The following FSTL4 variants were observed in gnomAD, a reference collection of about 807,000 sequenced individuals.
FSTL4 encodes the protein follistatin-related protein 4.
In FSTL4, 28 loss-of-function variants were observed where a neutral mutation model predicts 78.2. The ratio of observed to expected loss-of-function variants is 0.36; its 90% CI spans 0.27 to 0.49. The LOEUF is 0.49. FSTL4 is among the 20% of genes least tolerant of loss of function. The pLI, the probability that FSTL4 is intolerant of heterozygous loss-of-function variation, is 0.98. For missense variants in FSTL4, 922 were observed against 1,084.9 expected (o/e 0.85, Z 2.11); for synonymous variants, 422 against 440.5 (o/e 0.96, Z 0.53).
At chr5:133,712,507 A>G in the FSTL4 span, among the ~76,000 whole-genome samples, 1 of 152,318 alleles carries the variant, frequency 6.6e-6, no homozygotes, top group Non-Finnish European at 1.5e-5. Flanking sequence ...TTGGCAAGCT[A>G]TTGAAGTGCT....
At chr5:133,740,295 G>C in the FSTL4 span, among the ~76,000 whole-genome samples, 2 of 152,108 alleles carry the variant, frequency 1.3e-5, no homozygotes, top group Non-Finnish European at 2.9e-5. Flanking sequence ...AGTGGGGCAG[G>C]CATTCTCTCC....
chr5:133,720,828 G>A, the FSTL4 span: 1 of 152,882 alleles, frequency 6.5e-6, no homozygotes, highest in Non-Finnish European at 1.5e-5. Context: ...TAATCTGAAT[G>A]CTGCTTTAAT....
At chr5:133,802,644 A>AG in the FSTL4 span, among the ~76,000 whole-genome samples, 150,791 of 152,342 alleles carry the variant, frequency 0.99, 74,649 homozygotes, top group Middle Eastern at 1. Context: ...CTCTGCACAG[A>AG]GCACCATCAT....
At chr5:133,386,239 ATC>A (rs1755698464) in intron 4 of FSTL4, among the ~76,000 whole-genome samples, 1 of 152,154 alleles carries the variant, frequency 6.6e-6, no homozygotes, top group African/African-American at 2.4e-5. Flanking sequence ...TTCTCATCCA[ATC>A]TCTGGTTTTT....
the FSTL4 span, among the ~76,000 whole-genome samples, chr5:133,748,020 C>A: frequency 6.6e-6 from 1 of 152,008 alleles, no homozygotes; most frequent in Non-Finnish European, 1.5e-5. Context: ...CATGGTGAAA[C>A]CCTGTCTCTA....
intron 14 of FSTL4, among the ~76,000 whole-genome samples, chr5:133,206,174 G>GGACTT (rs906153675): frequency 2.9e-5 from 4 of 137,688 alleles, no homozygotes; most frequent in African/African-American, 5.2e-5. Context: ...TATATTTTGA[G>GGACTT]GACTTGACAA....
chr5:133,430,284 T>C (rs1320277124), intron 3 of FSTL4, among the ~76,000 whole-genome samples: 1 of 152,216 alleles, frequency 6.6e-6, no homozygotes, highest in Non-Finnish European at 1.5e-5. Flanking sequence ...CCCTGAAGCC[T>C]AGTCTTGCTC....
At chr5:133,447,182 TCAC>T (rs1757286604) in intron 3 of FSTL4, among the ~76,000 whole-genome samples, 2 of 152,146 alleles carry the variant, frequency 1.3e-5, no homozygotes, top group South Asian at 4.1e-4. Flanking sequence ...TGGTGAGGTG[TCAC>T]CACCAGCCTG....
At chr5:133,273,417 T>C (rs532144631) in intron 6 of FSTL4, among the ~76,000 whole-genome samples, 1 of 152,328 alleles carries the variant, frequency 6.6e-6, no homozygotes, top group African/African-American at 2.4e-5. Context: ...ATAGCCATGT[T>C]GGAGACTTAG....
intron 2 of FSTL4, among the ~76,000 whole-genome samples, chr5:133,595,605 G>A (rs1371311822): frequency 6.6e-6 from 1 of 152,220 alleles, no homozygotes; most frequent in Non-Finnish European, 1.5e-5. Flanking sequence ...AACTGCAGCA[G>A]CTGAAGTTGA....
chr5:133,311,603 C>T (rs1311961026), intron 6 of FSTL4, among the ~76,000 whole-genome samples: 1 of 152,198 alleles, frequency 6.6e-6, no homozygotes, highest in Non-Finnish European at 1.5e-5. Flanking sequence ...TGTGGAATAG[C>T]AACAGCCCAA....
At chr5:133,234,955 C>T (rs565792643) in intron 7 of FSTL4, among the ~76,000 whole-genome samples, 1 of 152,280 alleles carries the variant, frequency 6.6e-6, no homozygotes, top group South Asian at 2.1e-4. Flanking sequence ...CTGGAGAAAA[C>T]ACCAAATCAT....
chr5:133,217,150 G>A lies in FSTL4; in HGVS notation c.1608+79C>T, dbSNP rs57353187. On this transcript the variant is annotated intron_variant, in intron 13 of 15. Transcript: ENST00000265342. ...GACCACCTGGCACAGGAGCTGGGGA[G>A]TATGCAGAAAGCAAAGAAGAATGTG... 0.014 allele frequency: 16,923 copies of A among 1,180,378 alleles called. 1,540 individuals are homozygous for A. In the African/African-American group the frequency reaches 0.21, roughly 14 times the overall value. 73.1% of individuals were successfully genotyped at this position (1,180,378 alleles called of 1,614,324 possible). A position where few individuals can be genotyped will look rare whatever the true frequency, so the allele number is the denominator to read the frequency against.
chr5:133,764,231 C>T, the FSTL4 span, among the ~76,000 whole-genome samples: 1 of 152,320 alleles, frequency 6.6e-6, no homozygotes, highest in East Asian at 1.9e-4. Context: ...CCCAGCCCAG[C>T]CTTCCTAGAA....
the FSTL4 span, among the ~76,000 whole-genome samples, chr5:133,795,762 C>T: frequency 2.6e-5 from 4 of 152,170 alleles, no homozygotes; most frequent in South Asian, 4.1e-4. Flanking sequence ...TCACAGGAGC[C>T]GAGTCTCTGT....
At chr5:133,278,667 C>T (rs1038799449) in intron 6 of FSTL4, among the ~76,000 whole-genome samples, 6 of 152,186 alleles carry the variant, frequency 3.9e-5, no homozygotes, top group Non-Finnish European at 8.8e-5. Flanking sequence ...AGGAAGACCT[C>T]AGTGGAGCAC....
intron 6 of FSTL4, among the ~76,000 whole-genome samples, chr5:133,299,387 C>T (rs772778638): frequency 2.6e-5 from 4 of 152,202 alleles, no homozygotes; most frequent in Non-Finnish European, 5.9e-5. Context: ...GCAGCACATC[C>T]AGTTGCTTTG....
the FSTL4 span, among the ~76,000 whole-genome samples, chr5:133,747,567 G>A: frequency 1.2e-4 from 18 of 152,244 alleles, no homozygotes; most frequent in East Asian, 3.1e-3. Context: ...AATCCAACAT[G>A]AGGCTCCCAA....
intron 6 of FSTL4, among the ~76,000 whole-genome samples, chr5:133,278,985 C>A (rs560779970): frequency 2.0e-5 from 3 of 152,352 alleles, no homozygotes; most frequent in South Asian, 4.1e-4. Context: ...CCGCCCTGCA[C>A]TGGGAGGCCC....
Sources: gnomAD v4.1 joint callset for allele counts (sites outside exome capture counted in the v4.1 genomes callset) on GRCh38, gnomAD v4.1.1 for gene constraint, MANE v1.5 for transcripts, NCBI Gene and HGNC (gene_info 2026-07-23, HGNC 2026-07-21) for gene names.